The following RERG variants were observed in gnomAD, a reference collection of about 807,000 sequenced individuals.
RERG encodes the protein RAS like estrogen regulated growth inhibitor.
In RERG, 25 loss-of-function variants were observed where a neutral mutation model predicts 23.2. The observed-to-expected ratio is 1.08, with a 90% CI of 0.79 to 1.50. RERG has a LOEUF of 1.50. Among genes scored for constraint, RERG ranks in the 40% most tolerant of loss-of-function variants. The pLI is 0.00. For synonymous variants in RERG, 81 were observed against 89.1 expected (o/e 0.91, Z 0.51); for missense variants, 253 against 250.1 (o/e 1.01, Z -0.08).
intron 2 of RERG, among the ~76,000 whole-genome samples, chr12:15,179,190 GCTAT>G (rs764151947): frequency 5.3e-5 from 8 of 152,178 alleles, no homozygotes; most frequent in African/African-American, 1.2e-4. Flanking sequence ...CTACTTCTCA[GCTAT>G]CTGAGGATGA....
chr12:15,122,351 A>G (rs1244887077), intron 2 of RERG, among the ~76,000 whole-genome samples: 1 of 152,222 alleles, frequency 6.6e-6, no homozygotes, highest in East Asian at 1.9e-4. Flanking sequence ...GTCTTTGCCT[A>G]GTCTCACTTT....
intron 2 of RERG, among the ~76,000 whole-genome samples, chr12:15,138,833 CCT>C (rs1171686022): frequency 6.6e-6 from 1 of 151,638 alleles, no homozygotes. Context: ...CAATTATCAA[CCT>C]TTTTTTATTT....
At chr12:15,166,494 T>G (rs1206955822) in intron 2 of RERG, among the ~76,000 whole-genome samples, 6 of 145,378 alleles carry the variant, frequency 4.1e-5, no homozygotes, top group Admixed American at 2.9e-4. Context: ...ATGATGATGA[T>G]GATGATGGGG....
At chr12:15,193,770 G>A in intron 2 of RERG, among the ~76,000 whole-genome samples, 1 of 152,140 alleles carries the variant, frequency 6.6e-6, no homozygotes. Flanking sequence ...GTCTGGTTTG[G>A]ATGGAAAAAT....
chr12:15,183,560 A>C (rs887578659), intron 2 of RERG, among the ~76,000 whole-genome samples: 5 of 152,312 alleles, frequency 3.3e-5, no homozygotes, highest in Admixed American at 3.3e-4. Flanking sequence ...GTTCAGGTAT[A>C]CAATTTTTAA....
rs147165031 is a variant in RERG at position 15,211,213 on chromosome 12, T to C, written c.61+6216A>G. Among the ~76,000 whole-genome samples, 637 of 151,920 alleles carry C rather than the reference T, an allele frequency of 4.2e-3. 3 individuals are homozygous for C. The highest frequency in any genetic ancestry group is 6.9e-3 in the Admixed American group (105 of 15,250). ...ACTCCCATGTTCACTGCAGAATTTTTCACAATAGCCAAGACATGAAAACAA... is the reference window on the plus strand; with the variant it reads ...ACTCCCATGTTCACTGCAGAATTTTCCACAATAGCCAAGACATGAAAACAA... On this transcript the variant is annotated intron_variant, in intron 2 of 4. Coordinates refer to ENST00000256953, the MANE Select transcript of RERG (RefSeq NM_032918.3).
chr12:15,138,633 C>G (rs1864182821), intron 2 of RERG, among the ~76,000 whole-genome samples: 1 of 152,000 alleles, frequency 6.6e-6, no homozygotes, highest in Non-Finnish European at 1.5e-5. Flanking sequence ...TTGGCATACT[C>G]TACCCATTTT....
At chr12:15,119,566 G>A (rs1202540201) in intron 3 of RERG, among the ~76,000 whole-genome samples, 1 of 151,970 alleles carries the variant, frequency 6.6e-6, no homozygotes, top group Admixed American at 6.6e-5. Context: ...TCACTTTGGT[G>A]GGTAAAATAA....
chr12:15,160,474 C>T (rs896124444), intron 2 of RERG, among the ~76,000 whole-genome samples: 2 of 152,004 alleles, frequency 1.3e-5, no homozygotes, highest in Non-Finnish European at 2.9e-5. Context: ...GAAATCACAC[C>T]GCAAAAGGTA....
Position 15,136,483 on chromosome 12 carries a change from A to G in RERG, c.62-15364T>C, listed in dbSNP as rs190041869. ...TTTCTAGTTTCCTAGAAATAGGTGGAAGCTTATTTTATTGATTTTAGATCT... is the reference window on the plus strand; with the variant it reads ...TTTCTAGTTTCCTAGAAATAGGTGGGAGCTTATTTTATTGATTTTAGATCT... On this transcript the variant is annotated intron_variant, in intron 2 of 4. Coordinates refer to ENST00000256953, the MANE Select transcript of RERG (RefSeq NM_032918.3). 1.3e-5 allele frequency among the ~76,000 whole-genome samples: 2 copies of G among 151,954 alleles called. 1 individual carries two copies. Among genetic ancestry groups the G allele is most frequent in the Admixed American group, 1.3e-4 (2 of 15,248 alleles).
chr12:15,165,271 A>C (rs1591654693), intron 2 of RERG, among the ~76,000 whole-genome samples: 1 of 152,230 alleles, frequency 6.6e-6, no homozygotes, highest in East Asian at 1.9e-4. Flanking sequence ...CCGTACAACT[A>C]AGGAAACTAG....
chr12:15,111,433 A>G lies in RERG; in HGVS notation c.119-16T>C, dbSNP rs1363738590. The G allele has an allele frequency of 6.3e-7, 1 of 1,584,634 alleles. No homozygotes were observed. The highest frequency in any genetic ancestry group is 8.6e-7 in the Non-Finnish European group (1 of 1,162,726). Reference sequence around the variant, plus strand: ...TAGGTTGATTCTAAGGGAATGAGCAAATAAAAAAGACAAAAAGATAAATAA... The same window carrying G: ...TAGGTTGATTCTAAGGGAATGAGCAGATAAAAAAGACAAAAAGATAAATAA... On this transcript the variant is annotated splice_polypyrimidine_tract_variant and intron_variant, in intron 3 of 4. Coordinates refer to ENST00000256953, the MANE Select transcript of RERG (RefSeq NM_032918.3).
chr12:15,180,634 A>G (rs1266332218), intron 2 of RERG, among the ~76,000 whole-genome samples: 1 of 152,190 alleles, frequency 6.6e-6, no homozygotes, highest in African/African-American at 2.4e-5. Context: ...ATGGAAGTGC[A>G]CTGGCTGAAG....
chr12:15,193,824 A>C (rs915634660), intron 2 of RERG, among the ~76,000 whole-genome samples: 6 of 152,140 alleles, frequency 3.9e-5, no homozygotes, highest in African/African-American at 1.4e-4. Context: ...AAATGAGAGA[A>C]ATCTGCCTTA....
intron 2 of RERG, among the ~76,000 whole-genome samples, chr12:15,215,792 A>G (rs555367237): frequency 5.4e-4 from 83 of 152,304 alleles, no homozygotes; most frequent in African/African-American, 1.9e-3. Flanking sequence ...GAAAACAGGC[A>G]TCCCAGCTCA....
intron 2 of RERG, among the ~76,000 whole-genome samples, chr12:15,169,963 TG>T (rs1864754808): frequency 6.7e-6 from 1 of 149,272 alleles, no homozygotes; most frequent in Non-Finnish European, 1.5e-5. Flanking sequence ...TGTGTGTGTG[TG>T]TGTAACATCA....
chr12:15,138,042 A>C, intron 2 of RERG: 1 of 285,918 alleles, frequency 3.5e-6, no homozygotes, highest in East Asian at 8.5e-5. Flanking sequence ...ATAGAATTCT[A>C]GGTCGGTGGA....
chr12:15,199,230 C>T (rs766508861), intron 2 of RERG, among the ~76,000 whole-genome samples: 2 of 152,108 alleles, frequency 1.3e-5, no homozygotes, highest in Non-Finnish European at 2.9e-5. Flanking sequence ...CTCAAATTGG[C>T]AACGTGAGGT....
chr12:15,166,523 ATGGTGGTGGTGGTGGTGGTAGTGGTGT>A (rs1864692351), intron 2 of RERG, among the ~76,000 whole-genome samples: 1 of 148,838 alleles, frequency 6.7e-6, no homozygotes, highest in Non-Finnish European at 1.5e-5. Flanking sequence ...GATGGTGGTG[ATGGTGGTGGTGGTGGTGGTAGTGGTGT>A]TGGTGGTGGT....
Sources: gnomAD v4.1 joint callset for allele counts (sites outside exome capture counted in the v4.1 genomes callset) on GRCh38, gnomAD v4.1.1 for gene constraint, MANE v1.5 for transcripts, NCBI Gene and HGNC (gene_info 2026-07-23, HGNC 2026-07-21) for gene names.